The following RRN3 variants were observed in gnomAD, a reference collection of about 807,000 sequenced individuals.
RRN3 encodes the protein RNA polymerase I transcription factor RRN3, also known as RNA polymerase I-specific transcription initiation factor RRN3.
Under a neutral mutation model 82.3 loss-of-function variants are expected in RRN3, and 38 were observed. The observed-to-expected ratio is 0.46, with a 90% CI of 0.36 to 0.61. The LOEUF (loss-of-function observed/expected upper bound fraction) is 0.61, where lower values mean the gene tolerates loss of function less well. Among genes scored for constraint, RRN3 ranks in the 20% least tolerant of loss-of-function variants. The pLI is 0.00. For missense variants in RRN3, 726 were observed against 793.1 expected (o/e 0.92, Z 1.02); for synonymous variants, 284 against 284.3 (o/e 1.00, Z 0.01).
intron 14 of RRN3, among the ~76,000 whole-genome samples, chr16:15,068,645 C>A (rs1051926770): frequency 6.6e-6 from 1 of 152,194 alleles, no homozygotes; most frequent in South Asian, 2.1e-4. Flanking sequence ...GGCAACAAAA[C>A]AAAACAGCAA....
chr16:15,074,414 C>T (rs987595900), intron 11 of RRN3, among the ~76,000 whole-genome samples: 4 of 152,178 alleles, frequency 2.6e-5, no homozygotes, highest in African/African-American at 7.2e-5. Context: ...GTGCACCCTA[C>T]ATCATTCTTC....
intron 8 of RRN3, among the ~76,000 whole-genome samples, chr16:15,082,028 T>C (rs2045727000): frequency 6.6e-6 from 1 of 152,228 alleles, no homozygotes; most frequent in African/African-American, 2.4e-5. Flanking sequence ...GTAAACTCCT[T>C]AGAATGACAT....
intron 8 of RRN3, among the ~76,000 whole-genome samples, chr16:15,082,556 C>A (rs2045752115): frequency 6.6e-6 from 1 of 151,838 alleles, no homozygotes; most frequent in Non-Finnish European, 1.5e-5. Flanking sequence ...GTCTATAGTC[C>A]CACCTACTCG....
intron 3 of RRN3, among the ~76,000 whole-genome samples, chr16:15,088,451 G>C (rs2045994379): frequency 6.6e-6 from 1 of 152,146 alleles, no homozygotes; most frequent in African/African-American, 2.4e-5. Flanking sequence ...CCGGGTGACA[G>C]AGCAAGACCC....
At chr16:15,080,428 T>C (rs1184464220) in intron 8 of RRN3, among the ~76,000 whole-genome samples, 1 of 152,150 alleles carries the variant, frequency 6.6e-6, no homozygotes, top group Non-Finnish European at 1.5e-5. Flanking sequence ...ACATAATCAA[T>C]TTCAGAACAT....
intron 16 of RRN3, 47 bp from the exon 17 acceptor site, chr16:15,063,330 G>C: frequency 7.0e-7 from 1 of 1,437,566 alleles, no homozygotes; most frequent in Non-Finnish European, 9.8e-7. Flanking sequence ...TACTTCGGCA[G>C]AAGTCAAAAT....
intron 8 of RRN3, among the ~76,000 whole-genome samples, chr16:15,083,082 G>C (rs2045771017): frequency 6.6e-6 from 1 of 152,202 alleles, no homozygotes; most frequent in East Asian, 1.9e-4. Flanking sequence ...TCAGTTTAAA[G>C]TCTAGAAGAC....
intron 16 of RRN3, among the ~76,000 whole-genome samples, chr16:15,063,895 G>C (rs1370935866): frequency 6.6e-6 from 1 of 152,038 alleles, no homozygotes; most frequent in Non-Finnish European, 1.5e-5. Context: ...AAGTCAGTTA[G>C]ATACAGTATA....
In RRN3 at chr16:15,092,781, A is replaced by G. The variant is rs184698473; in HGVS notation, c.90-167T>C. Among the ~76,000 whole-genome samples the G allele has an allele frequency of 4.7e-4, 71 of 152,270 alleles. No homozygotes were observed. The East Asian group carries it at 0.013, about 28-fold the overall frequency. ...CAATCCTTCCTTTGCTCAGCAACCA[A>G]TAACTGTCTTCCCACTGCACTTACA... On this transcript the variant is annotated intron_variant, in intron 1 of 17. Coordinates refer to ENST00000198767, the MANE Select transcript of RRN3 (RefSeq NM_018427.5).
chr16:15,092,459 T>G (rs555911971), intron 2 of RRN3, 50 bp downstream of exon 2: 47 of 1,118,440 alleles, frequency 4.2e-5, no homozygotes, highest in Non-Finnish European at 6.4e-5. Context: ...ACAGCAATAG[T>G]TGTATTCTGA....
chr16:15,092,589 T>C lies in RRN3; in HGVS notation c.115A>G (p.Asn39Asp), dbSNP rs775408885. 6.2e-7 allele frequency: 1 copy of C among 1,612,236 alleles called. No individual in the cohort carries two copies. The highest frequency in any genetic ancestry group is 1.1e-5 in the South Asian group (1 of 91,020). ...TGISNMRALE[N>D]DFFNSPPRKT... The stretch of plus-strand genomic sequence containing the variant: ...CTTGGGGGAGAATTGAAAAAGTCAT[T>C]CTCTAATGCACGCATATTTGAAATC... Residue 39 changes from asparagine (N) to aspartate (D), a missense_variant, in exon 2 of 18, where the codon AAT (asparagine) becomes GAT (aspartate). Around this residue, in one of 4 missense-constraint regions of RRN3, gnomAD observed 135 missense variants for 87.4 expected, o/e 1.55. Coordinates refer to ENST00000198767, the MANE Select transcript of RRN3 (RefSeq NM_018427.5).
intron 7 of RRN3, 97 bp from the exon 8 acceptor site, chr16:15,083,679 A>G (rs2045796303): frequency 1.3e-6 from 2 of 1,532,368 alleles, no homozygotes. Flanking sequence ...ATTGATAGAC[A>G]TAGGAGGCAA....
intron 11 of RRN3, among the ~76,000 whole-genome samples, 173 bp from the exon 12 acceptor site, chr16:15,073,253 G>A (rs1437113148): frequency 6.6e-6 from 1 of 152,192 alleles, no homozygotes; most frequent in Non-Finnish European, 1.5e-5. Context: ...GAGCCCGGGA[G>A]TTCAAGGGCA....
chr16:15,088,976 G>A (rs2046012851), intron 3 of RRN3, among the ~76,000 whole-genome samples: 1 of 152,040 alleles, frequency 6.6e-6, no homozygotes, highest in Non-Finnish European at 1.5e-5. Flanking sequence ...CATCTATGAT[G>A]ATTCTGGGTA....
intron 16 of RRN3, among the ~76,000 whole-genome samples, chr16:15,063,924 C>T (rs2044837024): frequency 6.6e-6 from 1 of 151,952 alleles, no homozygotes; most frequent in Admixed American, 6.6e-5. Context: ...GAAATGAAAC[C>T]GTAATATTCT....
intron 16 of RRN3, among the ~76,000 whole-genome samples, chr16:15,063,563 C>G (rs769137094): frequency 2.6e-5 from 4 of 151,828 alleles, no homozygotes; most frequent in Admixed American, 6.6e-5. Flanking sequence ...AAAAAATTAG[C>G]CGGGTGTGGT....
At chr16:15,087,408 A>G (rs1227993965) in intron 3 of RRN3, among the ~76,000 whole-genome samples, 7 of 152,222 alleles carry the variant, frequency 4.6e-5, no homozygotes, top group Admixed American at 1.3e-4. Flanking sequence ...CCAAGAGGCC[A>G]GTAAAGAAGC....
At chr16:15,072,556 C>T (rs1567197657) in intron 12 of RRN3, among the ~76,000 whole-genome samples, 1 of 152,088 alleles carries the variant, frequency 6.6e-6, no homozygotes, top group Non-Finnish European at 1.5e-5. Context: ...AATCCCAACG[C>T]TTTGCGGGGC....
chr16:15,092,493 C>G lies in RRN3; in HGVS notation c.195+16G>C. 6.4e-7 allele frequency: 1 copy of G among 1,562,844 alleles called. No individual in the cohort carries two copies. Among genetic ancestry groups the G allele is most frequent in the Non-Finnish European group, 8.8e-7 (1 of 1,133,548 alleles). The stretch of plus-strand genomic sequence containing the variant: ...GACCTAACCAAAAGCAAACCTCACA[C>G]ATTATCTCCCCTTACCTTTTTGTAC... On this transcript the variant is annotated intron_variant, in intron 2 of 17. Transcript: ENST00000198767.
Sources: allele counts gnomAD v4.1 joint callset (sites outside exome capture counted in the v4.1 genomes callset), GRCh38; gene constraint gnomAD v4.1.1; regional missense constraint gnomAD v4.1.1; transcripts MANE v1.5; gene names NCBI Gene and HGNC (gene_info 2026-07-23, HGNC 2026-07-21).